FER: variants seen among roughly 807,000 people sequenced by gnomAD.
The protein encoded by FER is tyrosine-protein kinase Fer.
In FER, 63 loss-of-function variants were observed where a neutral mutation model predicts 111.0. That is an observed-to-expected ratio of 0.57 (90% CI 0.46 to 0.70). The LOEUF is 0.70. Ranked by LOEUF, FER falls within the 30% of genes least tolerant of loss-of-function variation. The pLI is 0.00. For synonymous variants in FER, 327 were observed against 313.9 expected (o/e 1.04, Z -0.44); for missense variants, 914 against 954.0 (o/e 0.96, Z 0.55).
At chr5:109,102,519 G>A (rs936411279) in intron 17 of FER, among the ~76,000 whole-genome samples, 3 of 151,968 alleles carry the variant, frequency 2.0e-5, no homozygotes, top group African/African-American at 7.2e-5. Flanking sequence ...TAACACACAC[G>A]CCCCAAATTT....
At chr5:108,843,969 G>C (rs985133297) in intron 5 of FER, among the ~76,000 whole-genome samples, 1 of 149,552 alleles carries the variant, frequency 6.7e-6, no homozygotes, top group African/African-American at 2.5e-5. Flanking sequence ...GTCACGGCTA[G>C]GCTTCTGCTG....
At chr5:108,791,874 G>T (rs1444090164) in intron 2 of FER, among the ~76,000 whole-genome samples, 5 of 152,164 alleles carry the variant, frequency 3.3e-5, no homozygotes, top group Non-Finnish European at 7.3e-5. Context: ...TCCAAGGAAG[G>T]CATCCTGCTT....
rs2126901373 is a variant in FER at position 109,190,077 on chromosome 5, A to G, written c.*2502A>G. 6.6e-6 allele frequency: 1 copy of G among 152,212 alleles called. No individual in the cohort carries two copies. Among genetic ancestry groups the G allele is most frequent in the Admixed American group, 6.5e-5 (1 of 15,280 alleles). 9.4% of individuals were successfully genotyped at this position (152,212 alleles called of 1,614,324 possible). A position where few individuals can be genotyped will look rare whatever the true frequency, so the allele number is the denominator to read the frequency against. On this transcript the variant is annotated 3_prime_UTR_variant, in exon 20 of 20. Coordinates refer to ENST00000281092, the MANE Select transcript of FER (RefSeq NM_005246.4). ...CATGCATTAAGAAAAACTTACGCAAACAGTTTTTCACTGTTAATTTTGTTG... is the reference window on the plus strand; with the variant it reads ...CATGCATTAAGAAAAACTTACGCAAGCAGTTTTTCACTGTTAATTTTGTTG...
At chr5:109,137,743 C>G (rs759499835) in intron 17 of FER, among the ~76,000 whole-genome samples, 1 of 152,080 alleles carries the variant, frequency 6.6e-6, no homozygotes, top group Non-Finnish European at 1.5e-5. Context: ...TGATGGATAC[C>G]TTTTTGTAGT....
At chr5:108,992,615 C>A (rs1447931845) in intron 13 of FER, among the ~76,000 whole-genome samples, 3 of 148,450 alleles carry the variant, frequency 2.0e-5, no homozygotes, top group Non-Finnish European at 4.4e-5. Context: ...GATGGGGCGG[C>A]TGGCCGGGCG....
intron 13 of FER, among the ~76,000 whole-genome samples, chr5:108,977,073 A>G (rs1347720732): frequency 6.6e-6 from 1 of 152,248 alleles, no homozygotes; most frequent in Non-Finnish European, 1.5e-5. Context: ...GATGATTAGC[A>G]TCACACAGCA....
At chr5:108,816,995 T>G (rs758794779) in intron 3 of FER, among the ~76,000 whole-genome samples, 20 of 149,280 alleles carry the variant, frequency 1.3e-4, no homozygotes, top group Non-Finnish European at 2.1e-4. Context: ...TCCCAGCTAC[T>G]TGGGAAGCTG....
chr5:108,896,883 G>A (rs1462236264), intron 9 of FER, among the ~76,000 whole-genome samples: 3 of 152,038 alleles, frequency 2.0e-5, no homozygotes, highest in African/African-American at 7.2e-5. Context: ...TGCATGGCAC[G>A]GTCCTTTTTG....
chr5:109,090,095 C>A (rs1304937150), intron 16 of FER, among the ~76,000 whole-genome samples: 1 of 152,134 alleles, frequency 6.6e-6, no homozygotes, highest in Admixed American at 6.5e-5. Context: ...GTTGCCTACT[C>A]ACCACTGCTG....
intron 10 of FER, among the ~76,000 whole-genome samples, chr5:108,903,023 C>T (rs911633847): frequency 2.0e-5 from 3 of 151,872 alleles, no homozygotes; most frequent in Admixed American, 1.3e-4. Context: ...AATTGGACTT[C>T]GTTTTCCCTT....
At chr5:109,033,187 G>T (rs552654670) in intron 13 of FER, among the ~76,000 whole-genome samples, 5 of 152,088 alleles carry the variant, frequency 3.3e-5, no homozygotes, top group Admixed American at 2.0e-4. Flanking sequence ...CTATTTCTTG[G>T]AAGAGACTAA....
At position 109,044,712 on chromosome 5, in the gene FER, A is replaced by G; in HGVS notation, c.1746A>G (p.Leu582=). 1 of 1,586,374 alleles carries G rather than the reference A, an allele frequency of 6.3e-7. No individual in the cohort carries two copies. The highest frequency in any genetic ancestry group is 8.6e-7 in the Non-Finnish European group (1 of 1,168,888). The part of the protein sequence containing the change: ...GNFGEVYKGT[L]KDKTSVAVKT... The stretch of plus-strand genomic sequence containing the variant: ...TTGGTGAAGTATATAAGGGCACATT[A>G]AAGGATAAAACTTCTGTTGCTGTTA... The change falls in exon 15 of 20, where the codon TTA becomes TTG. Residue 582 remains leucine (L), a synonymous_variant. Coordinates refer to ENST00000281092, the MANE Select transcript of FER (RefSeq NM_005246.4).
At chr5:108,787,167 T>C (rs1381484737) in intron 2 of FER, among the ~76,000 whole-genome samples, 1 of 152,208 alleles carries the variant, frequency 6.6e-6, no homozygotes, top group Non-Finnish European at 1.5e-5. Flanking sequence ...CTCTCCCTGC[T>C]TCTGGCGCCT....
At chr5:108,770,216 G>T (rs560213284) in intron 2 of FER, among the ~76,000 whole-genome samples, 2 of 152,142 alleles carry the variant, frequency 1.3e-5, no homozygotes, top group African/African-American at 4.8e-5. Flanking sequence ...CCAAAGTGCC[G>T]GGGTTACAGG....
At chr5:109,035,992 G>T (rs1770338594) in intron 13 of FER, among the ~76,000 whole-genome samples, 1 of 152,096 alleles carries the variant, frequency 6.6e-6, no homozygotes, top group Admixed American at 6.5e-5. Context: ...AATTTCTTGA[G>T]CTGGGTTCTT....
intron 2 of FER, among the ~76,000 whole-genome samples, chr5:108,776,465 T>C (rs1243630688): frequency 6.6e-6 from 1 of 152,182 alleles, no homozygotes; most frequent in East Asian, 1.9e-4. Context: ...TATTTCCATC[T>C]TTGTACTTGG....
chr5:108,921,825 A>G (rs950821195), intron 10 of FER, among the ~76,000 whole-genome samples: 2 of 152,162 alleles, frequency 1.3e-5, no homozygotes, highest in Non-Finnish European at 2.9e-5. Context: ...TTGACTAGAA[A>G]AGTATAAAGA....
At chr5:109,067,900 T>G (rs1775305538) in intron 16 of FER, among the ~76,000 whole-genome samples, 1 of 152,158 alleles carries the variant, frequency 6.6e-6, no homozygotes, top group Non-Finnish European at 1.5e-5. Context: ...CCAGAAGCCT[T>G]TATAATATTT....
At chr5:109,170,609 C>A (rs535056241) in intron 17 of FER, among the ~76,000 whole-genome samples, 2 of 152,154 alleles carry the variant, frequency 1.3e-5, no homozygotes, top group Admixed American at 6.5e-5. Context: ...TAGCATTGTG[C>A]CTGACACATA....
Sources: allele counts gnomAD v4.1 joint callset (sites outside exome capture counted in the v4.1 genomes callset), GRCh38; gene constraint gnomAD v4.1.1; transcripts MANE v1.5; gene names NCBI Gene and HGNC (gene_info 2026-07-23, HGNC 2026-07-21).